The following FBXW11 variants were observed in gnomAD, a reference collection of about 807,000 sequenced individuals.
The protein encoded by FBXW11 is F-box and WD repeat domain containing 11.
FBXW11 carries 19 observed loss-of-function variants against 77.6 expected under a neutral mutation model. The ratio of observed to expected loss-of-function variants is 0.24; its 90% CI spans 0.17 to 0.36. The LOEUF is 0.36. FBXW11 is among the 10% of genes least tolerant of loss of function. FBXW11 has a pLI of 1.00. For synonymous variants in FBXW11, 235 were observed against 249.4 expected (o/e 0.94, Z 0.54); for missense variants, 334 against 704.2 (o/e 0.47, Z 5.95).
intron 9 of FBXW11, among the ~76,000 whole-genome samples, chr5:171,873,804 C>T (rs2113766716): frequency 6.6e-6 from 1 of 152,272 alleles, no homozygotes; most frequent in Middle Eastern, 3.4e-3. Flanking sequence ...GACAGCTAAA[C>T]ATATTATTAG....
chr5:171,882,092 C>T (rs555548961), intron 7 of FBXW11, among the ~76,000 whole-genome samples: 1 of 152,322 alleles, frequency 6.6e-6, no homozygotes, highest in South Asian at 2.1e-4. Flanking sequence ...TTTTCATTAA[C>T]TCTTTTATTC....
chr5:171,883,371 A>G (rs1404161279), intron 7 of FBXW11, among the ~76,000 whole-genome samples: 1 of 152,212 alleles, frequency 6.6e-6, no homozygotes, highest in African/African-American at 2.4e-5. Context: ...CCACCCCACA[A>G]CAGGCCCCAG....
Position 171,893,441 on chromosome 5 carries a change from A to AAAAAAAC in FBXW11, c.715-1844_715-1838dup, listed in dbSNP as rs1759518116. ...AAAACCAAAAAAAAAAAAAAAAAAA[A>AAAAAAAC]AAAAAACTAACCCAACCATCTCTGC... On this transcript the variant is annotated intron_variant, in intron 6 of 13. Transcript: ENST00000517395. Among the ~76,000 whole-genome samples, 2 of 148,614 alleles carry AAAAAAAC rather than the reference A, an allele frequency of 1.3e-5. 1 individual carries two copies. Among genetic ancestry groups the AAAAAAAC allele is most frequent in the Non-Finnish European group, 3.0e-5 (2 of 67,266 alleles).
chr5:171,952,056 C>G (rs112237740), intron 2 of FBXW11, among the ~76,000 whole-genome samples: 3,259 of 152,150 alleles, frequency 0.021, 119 homozygotes, highest in African/African-American at 0.074. Flanking sequence ...CAGAGCCATT[C>G]TAAGTGAGAT....
chr5:171,928,003 T>A lies in FBXW11; in HGVS notation c.148-13598A>T, dbSNP rs190657140. Among the ~76,000 whole-genome samples the A allele has an allele frequency of 6.0e-4, 91 of 152,338 alleles. 1 individual carries two copies. Among genetic ancestry groups the A allele is most frequent in the Non-Finnish European group, 1.0e-3 (68 of 68,028 alleles). Reference sequence around the variant, plus strand: ...TCACCGATCAGCAAGGTTGAGCACTTCCATCTTCTTGATATACTTCATTCA... The same window carrying A: ...TCACCGATCAGCAAGGTTGAGCACTACCATCTTCTTGATATACTTCATTCA... On this transcript the variant is annotated intron_variant, in intron 2 of 13. Coordinates refer to ENST00000517395, the MANE Select transcript of FBXW11 (RefSeq NM_001378974.1).
At chr5:171,881,011 T>C (rs942317595) in intron 7 of FBXW11, among the ~76,000 whole-genome samples, 1 of 152,252 alleles carries the variant, frequency 6.6e-6, no homozygotes, top group Non-Finnish European at 1.5e-5. Flanking sequence ...TATTGTGTTT[T>C]TAATTTCACA....
intron 2 of FBXW11, among the ~76,000 whole-genome samples, chr5:171,955,401 G>A (rs775355468): frequency 3.3e-5 from 5 of 152,100 alleles, no homozygotes; most frequent in African/African-American, 4.8e-5. Context: ...CTAATATGAG[G>A]TTGCTAAAAG....
chr5:171,913,874 C>CACACAA (rs1561677978), intron 3 of FBXW11, among the ~76,000 whole-genome samples: 1 of 149,736 alleles, frequency 6.7e-6, no homozygotes, highest in East Asian at 2.0e-4. Context: ...CACACACACA[C>CACACAA]AACCTGGGAA....
intron 13 of FBXW11, among the ~76,000 whole-genome samples, chr5:171,866,777 C>G (rs1347161953): frequency 6.6e-6 from 1 of 152,166 alleles, no homozygotes; most frequent in Non-Finnish European, 1.5e-5. Flanking sequence ...GGGGGAGGAG[C>G]AATCACTCAA....
At chr5:171,915,112 T>C (rs1435418720) in intron 2 of FBXW11, among the ~76,000 whole-genome samples, 2 of 152,216 alleles carry the variant, frequency 1.3e-5, no homozygotes, top group African/African-American at 2.4e-5. Context: ...ATTTTCCCTT[T>C]TGAAGCTCCC....
At chr5:171,917,798 G>A (rs1376195774) in intron 2 of FBXW11, among the ~76,000 whole-genome samples, 1 of 149,150 alleles carries the variant, frequency 6.7e-6, no homozygotes, top group African/African-American at 2.5e-5. Flanking sequence ...GTGTGTGTGT[G>A]TAAATATATA....
chr5:171,951,278 T>C (rs1763299907), intron 2 of FBXW11, among the ~76,000 whole-genome samples: 2 of 152,186 alleles, frequency 1.3e-5, no homozygotes, highest in South Asian at 2.1e-4. Context: ...CTCACACCTG[T>C]AATCCCAACA....
intron 2 of FBXW11, among the ~76,000 whole-genome samples, chr5:171,926,778 CA>C (rs1761913255): frequency 6.6e-6 from 1 of 152,142 alleles, no homozygotes; most frequent in Non-Finnish European, 1.5e-5. Context: ...CTCCTTTAGT[CA>C]AATTTAACTT....
intron 1 of FBXW11, among the ~76,000 whole-genome samples, chr5:171,976,168 C>A (rs10040738): frequency 6.2e-4 from 95 of 152,154 alleles, no homozygotes; most frequent in African/African-American, 2.2e-3. Context: ...ACTATCTGGA[C>A]GACTTACAAG....
chr5:171,987,745 G>A (rs1374619005), intron 1 of FBXW11, among the ~76,000 whole-genome samples: 1 of 152,090 alleles, frequency 6.6e-6, no homozygotes, highest in African/African-American at 2.4e-5. Flanking sequence ...GAGCTACCGC[G>A]CCCGGCCAAG....
chr5:171,918,157 G>A (rs552017944), intron 2 of FBXW11, among the ~76,000 whole-genome samples: 4 of 152,026 alleles, frequency 2.6e-5, no homozygotes, highest in African/African-American at 9.6e-5. Flanking sequence ...TACAGGTTGA[G>A]CATCCCACAT....
At chr5:171,932,890 C>G (rs1239358360) in intron 2 of FBXW11, among the ~76,000 whole-genome samples, 3 of 139,178 alleles carry the variant, frequency 2.2e-5, no homozygotes, top group African/African-American at 8.2e-5. Flanking sequence ...GAGGCCAAGG[C>G]AGGAGACTCT....
intron 13 of FBXW11, among the ~76,000 whole-genome samples, chr5:171,866,270 G>GAA (rs10706150): frequency 2.3e-5 from 3 of 133,294 alleles, no homozygotes; most frequent in South Asian, 2.4e-4. Flanking sequence ...GTCTCAAAGG[G>GAA]AAAAAAAAAA....
intron 9 of FBXW11, among the ~76,000 whole-genome samples, chr5:171,874,494 G>A (rs1281863786): frequency 6.6e-6 from 1 of 152,120 alleles, no homozygotes. Context: ...GGAGTAAGTT[G>A]CCGCATATAA....
Sources: allele counts gnomAD v4.1 joint callset (sites outside exome capture counted in the v4.1 genomes callset), GRCh38; gene constraint gnomAD v4.1.1; transcripts MANE v1.5; gene names NCBI Gene and HGNC (gene_info 2026-07-23, HGNC 2026-07-21).